Variants in AAK1 observed in about 807,000 individuals in gnomAD.
The protein encoded by AAK1 is AP2-associated protein kinase 1.
AAK1 carries 37 observed loss-of-function variants against 116.0 expected under a neutral mutation model. The ratio of observed to expected loss-of-function variants is 0.32; its 90% confidence interval spans 0.25 to 0.42. AAK1 has a LOEUF of 0.42. AAK1 is among the 10% of genes least tolerant of loss of function. AAK1 has a pLI of 1.00. For synonymous variants in AAK1, 458 were observed against 439.9 expected (o/e 1.04, Z -0.51); for missense variants, 919 against 1,170.6 (o/e 0.79, Z 3.14).
chr2:69,619,832 G>A (rs116699449), intron 2 of AAK1, among the ~76,000 whole-genome samples: 1,580 of 152,248 alleles, frequency 0.01, 21 homozygotes, highest in African/African-American at 0.034. Context: ...AGAAACCACA[G>A]GAAGGAAGCC....
intron 16 of AAK1, among the ~76,000 whole-genome samples, chr2:69,497,336 T>G (rs1000863134): frequency 7.1e-6 from 1 of 140,104 alleles, no homozygotes; most frequent in African/African-American, 2.7e-5. Flanking sequence ...GGAGTCTTGC[T>G]CTGTTGCCCA....
chr2:69,520,129 TA>T (rs1669697168), intron 11 of AAK1: 2 of 232,824 alleles, frequency 8.6e-6, no homozygotes, highest in Non-Finnish European at 1.8e-5. Context: ...AAAGTTTAAT[TA>T]ACAGAACAGG....
At chr2:69,619,333 C>T (rs1674482937) in intron 2 of AAK1, among the ~76,000 whole-genome samples, 1 of 152,142 alleles carries the variant, frequency 6.6e-6, no homozygotes, top group Admixed American at 6.5e-5. Flanking sequence ...CTTCAATTCC[C>T]ACCCTACCCC....
At chr2:69,539,939 A>G (rs561590264) in intron 5 of AAK1, among the ~76,000 whole-genome samples, 1 of 152,218 alleles carries the variant, frequency 6.6e-6, no homozygotes, top group East Asian at 1.9e-4. Flanking sequence ...ATAGAGTTTT[A>G]TATTTCATCT....
At chr2:69,582,299 G>A (rs1021299005) in intron 2 of AAK1, among the ~76,000 whole-genome samples, 2 of 152,166 alleles carry the variant, frequency 1.3e-5, no homozygotes, top group Non-Finnish European at 2.9e-5. Context: ...GAAATAAGAA[G>A]TAGAAACTGC....
chr2:69,514,728 T>C lies in AAK1; in HGVS notation c.1519A>G (p.Thr507Ala), dbSNP rs1377494322. Residue 507 changes from threonine to alanine, a missense_variant, in exon 13 of 22, where the codon ACC (threonine) becomes GCC (alanine). Around this residue, in one of 4 missense-constraint regions of AAK1, gnomAD observed 214 missense variants for 210.6 expected, o/e 1.02. Transcript: ENST00000409085. Reference sequence around the variant, plus strand: ...AACTGAGCAATTGCTGGTTTCTGGGTTGCTGGATGTACTGCCTGAAACTGA... The same window carrying C: ...AACTGAGCAATTGCTGGTTTCTGGGCTGCTGGATGTACTGCCTGAAACTGA... Reference protein sequence around the residue: ...TQQFQAVHPATQKPAIAQFPV... With the variant: ...TQQFQAVHPAAQKPAIAQFPV... The C allele has an allele frequency of 3.1e-6, 5 of 1,602,546 alleles. No homozygotes were observed. The highest frequency in any genetic ancestry group is 4.3e-6 in the Non-Finnish European group (5 of 1,172,820).
chr2:69,534,899 ACTT>A (rs1670398261), intron 5 of AAK1, among the ~76,000 whole-genome samples: 2 of 152,220 alleles, frequency 1.3e-5, no homozygotes, highest in African/African-American at 4.8e-5. Flanking sequence ...TTGGTATTTA[ACTT>A]CTTATGTATT....
chr2:69,500,698 T>TATGTATATACACACAC, intron 16 of AAK1, among the ~76,000 whole-genome samples: 2 of 65,102 alleles, frequency 3.1e-5, no homozygotes, highest in African/African-American at 1.6e-4. Flanking sequence ...TATATATATA[T>TATGTATATACACACAC]ACACACACAC....
intron 8 of AAK1, among the ~76,000 whole-genome samples, chr2:69,528,673 G>A (rs968653060): frequency 1.3e-5 from 2 of 151,990 alleles, no homozygotes; most frequent in Admixed American, 6.6e-5. Flanking sequence ...AGGAAGGAGG[G>A]CTAATGATGA....
intron 12 of AAK1, among the ~76,000 whole-genome samples, chr2:69,517,840 C>T (rs904610639): frequency 6.7e-6 from 1 of 149,954 alleles, no homozygotes; most frequent in African/African-American, 2.4e-5. Context: ...AAAGATATAT[C>T]AGCCAGCAGC....
At chr2:69,526,453 T>A (rs1670028122) in intron 9 of AAK1, among the ~76,000 whole-genome samples, 1 of 152,080 alleles carries the variant, frequency 6.6e-6, no homozygotes, top group African/African-American at 2.4e-5. Context: ...GAAAAATAAA[T>A]CACAATATGA....
At position 69,590,520 on chromosome 2, in the gene AAK1, A is replaced by C. The variant is rs533144024; in HGVS notation, c.164-33542T>G. 1.3e-3 allele frequency among the ~76,000 whole-genome samples: 205 copies of C among 152,324 alleles called. 1 individual carries two copies. Among genetic ancestry groups the C allele is most frequent in the African/African-American group, 4.8e-3 (198 of 41,572 alleles). ...AGCCAGGGCAGGAGTGATTCAGCAT[A>C]AGCCATCCCCACTAACCTTGTACAC... On this transcript the variant is annotated intron_variant, in intron 2 of 21. Transcript: ENST00000409085.
chr2:69,520,871 C>T lies in AAK1; in HGVS notation c.1173G>A (p.Arg391=). Residue 391 remains arginine, a synonymous_variant, in exon 11 of 22, where the codon CGG becomes CGA. Transcript: ENST00000409085. ...ILPIQPALTP[R]KRATVQPPPQ... ...GTGGGGGCTGAACAGTGGCCCTCTT[C>T]CGGGGTGTCAGCGCTGGCTGGATGG... 1 of 1,592,596 alleles carries T rather than the reference C, an allele frequency of 6.3e-7. No homozygotes were observed. The highest frequency in any genetic ancestry group is 8.5e-7 in the Non-Finnish European group (1 of 1,170,776).
Position 69,474,864 on chromosome 2 carries a change from A to G in AAK1, c.*1005T>C. 2.0e-6 allele frequency: 2 copies of G among 985,808 alleles called. No individual in the cohort carries two copies. Among genetic ancestry groups the G allele is most frequent in the Non-Finnish European group, 2.4e-6 (2 of 829,898 alleles). 61.1% of individuals were successfully genotyped at this position (985,808 alleles called of 1,614,324 possible). A position where few individuals can be genotyped will look rare whatever the true frequency, so the allele number is the denominator to read the frequency against. ...ACTTGAAATGCCAAGTGGAAACAGA[A>G]CTATTCAGCATCTTCATTTATACAC... is the stretch of plus-strand genomic sequence containing the variant. On this transcript the variant is annotated 3_prime_UTR_variant, in exon 22 of 22. Coordinates refer to ENST00000409085, the MANE Select transcript of AAK1 (RefSeq NM_014911.5).
intron 4 of AAK1, 47 bp from the exon 5 acceptor site, chr2:69,542,712 C>T (rs528413986): frequency 6.3e-7 from 1 of 1,596,578 alleles, no homozygotes; most frequent in South Asian, 1.1e-5. Context: ...AACATTCGGA[C>T]TTGTCATTTA....
In AAK1 at chr2:69,475,503, T is replaced by C; in HGVS notation, c.*366A>G. The C allele has an allele frequency of 9.7e-7, 1 of 1,031,030 alleles. No homozygotes were observed. The highest frequency in any genetic ancestry group is 1.2e-6 in the Non-Finnish European group (1 of 857,498). 63.9% of individuals were successfully genotyped at this position (1,031,030 alleles called of 1,614,324 possible). A position where few individuals can be genotyped will look rare whatever the true frequency, so the allele number is the denominator to read the frequency against. On this transcript the variant is annotated 3_prime_UTR_variant, in exon 22 of 22. Transcript: ENST00000409085. ...GAGAATTGATCTGGGAGGCCATTCCTAGCAAGAACGAGACAAAAGTGTCAA... is the reference window on the plus strand; with the variant it reads ...GAGAATTGATCTGGGAGGCCATTCCCAGCAAGAACGAGACAAAAGTGTCAA...
rs758832233 is a variant in AAK1 at position 69,466,061 on chromosome 2, G to C, written c.*9808C>G. On this transcript the variant is annotated 3_prime_UTR_variant, in exon 22 of 22. Transcript: ENST00000409085. ...TGCTCTTGGAGACAAATGGGGCTTT[G>C]GAGAAAATGTCCATGTCATCATTTG... The C allele has an allele frequency of 2.1e-4, 274 of 1,290,822 alleles. 1 individual carries two copies. The highest frequency in any genetic ancestry group is 1.5e-4 in the Non-Finnish European group (153 of 988,878). 80.0% of individuals were successfully genotyped at this position (1,290,822 alleles called of 1,614,324 possible). A position where few individuals can be genotyped will look rare whatever the true frequency, so the allele number is the denominator to read the frequency against.
chr2:69,561,075 A>C (rs944613983), intron 2 of AAK1, among the ~76,000 whole-genome samples: 2 of 152,192 alleles, frequency 1.3e-5, no homozygotes, highest in Admixed American at 6.5e-5. Flanking sequence ...CTCCACATTT[A>C]AACACTGGCA....
chr2:69,511,424 T>C (rs1486654073), intron 13 of AAK1, among the ~76,000 whole-genome samples: 1 of 152,150 alleles, frequency 6.6e-6, no homozygotes, highest in African/African-American at 2.4e-5. Flanking sequence ...GTTAGAAGGG[T>C]AACAAAGCTG....
Sources: allele counts gnomAD v4.1 joint callset (sites outside exome capture counted in the v4.1 genomes callset), GRCh38; gene constraint gnomAD v4.1.1; regional missense constraint gnomAD v4.1.1; transcripts MANE v1.5; gene names NCBI Gene and HGNC (gene_info 2026-07-23, HGNC 2026-07-21).